Variants in TMEM80 observed in about 807,000 individuals in gnomAD.
TMEM80 encodes transmembrane protein 80.
In TMEM80, 16 loss-of-function variants were observed where a neutral mutation model predicts 13.6. The ratio of observed to expected loss-of-function variants is 1.17; its 90% CI spans 0.79 to 1.78. The LOEUF is 1.78. Ranked by LOEUF, TMEM80 falls within the 40% of genes most tolerant of loss-of-function variation. The pLI is 0.00. For synonymous variants in TMEM80, 92 were observed against 89.5 expected, an observed-to-expected ratio of 1.03 and a Z score of -0.16; for missense variants, 167 against 184.6, an observed-to-expected ratio of 0.90 and a Z score of 0.55.
chr11:699,078 C>T, intron 2 of TMEM80, 190 bp downstream of exon 2: 3 of 687,828 alleles, frequency 4.4e-6, no homozygotes, highest in Non-Finnish European at 7.6e-6. Flanking sequence ...GGCTCCATCC[C>T]CTACCTGCTC....
At position 704,013 on chromosome 11, in the gene TMEM80, T is replaced by C; in HGVS notation, c.*863T>C. ...AAGTATCTAAGCTGTTACAGTAGCT[T>C]TCCCTTCACTTGATTCTATTGTGTG... On this transcript the variant is annotated 3_prime_UTR_variant, in exon 5 of 5. Coordinates refer to ENST00000397510, the MANE Select transcript of TMEM80 (RefSeq NM_001042463.3). 1 of 1,203,290 alleles carries C rather than the reference T, an allele frequency of 8.3e-7. No individual in the cohort carries two copies. The highest frequency in any genetic ancestry group is 1.0e-6 in the Non-Finnish European group (1 of 968,704). The allele number at this position is 1,203,290 out of a possible 1,614,324, so 74.5% of individuals were successfully genotyped here. A position where few individuals can be genotyped will look rare whatever the true frequency, so the allele number is the denominator to read the frequency against.
rs1462883161 is a variant in TMEM80, at chr11:703,084, G to C, written c.366G>C (p.Thr122=). ...VLWADWALSA[T]LLALHGLEAV... is the part of the protein sequence containing the mutation. ...GGGCGGACTGGGCCCTCAGCGCCAC[G>C]CTCCTGGCCCTTCACGGCCTGGAGG... is the stretch of plus-strand genomic sequence containing the variant. The change falls in exon 5 of 5, where the codon ACG becomes ACC. Residue 122 remains threonine (T), a synonymous_variant. Transcript: ENST00000397510. 2.5e-6 allele frequency: 4 copies of C among 1,612,242 alleles called. No homozygotes were observed. Among genetic ancestry groups the C allele is most frequent in the Non-Finnish European group, 3.4e-6 (4 of 1,179,448 alleles).
rs1251273314 is a variant in TMEM80 at position 702,963 on chromosome 11, C to T, written c.245C>T (p.Thr82Ile). 8.7e-6 allele frequency: 14 copies of T among 1,609,348 alleles called. No individual in the cohort carries two copies. The highest frequency in any genetic ancestry group is 1.3e-5 in the African/African-American group (1 of 74,862). The change falls in exon 5 of 5, where the codon ACA (threonine) becomes ATA (isoleucine). Residue 82 changes from threonine to isoleucine, a missense_variant. Thr to Ile is a moderately conservative substitution (Grantham distance 89). Coordinates refer to ENST00000397510, the MANE Select transcript of TMEM80 (RefSeq NM_001042463.3). ...RLYLGTRGNL[T>I]EAERPLAASL... ...TCTCCAGGCACCAGGGGCAACCTGA[C>T]AGAGGCTGAGAGGCCGCTGGCCGCC...
downstream of TMEM80, chr11:704,992 G>A (rs927262320): frequency 1.2e-5 from 3 of 255,628 alleles, no homozygotes; most frequent in African/African-American, 6.7e-5. Context: ...GATCACGGCA[G>A]GTTCCTGGAG....
chr11:698,833 C>T (rs1410720187), intron 1 of TMEM80, 36 bp from the exon 2 acceptor site: 4 of 1,613,830 alleles, frequency 2.5e-6, no homozygotes, highest in Non-Finnish European at 3.4e-6. Flanking sequence ...ATCCTGGTGG[C>T]TGTCAGGCCT....
rs2133478281 is a variant in TMEM80 at position 703,334 on chromosome 11, T to C, written c.*184T>C. ...CAGGAGCCAGGGCAGAACAAACTGCTGGAGGCCCTGGTGTTGGGAACAGCT... is the reference window on the plus strand; with the variant it reads ...CAGGAGCCAGGGCAGAACAAACTGCCGGAGGCCCTGGTGTTGGGAACAGCT... On this transcript the variant is annotated 3_prime_UTR_variant, in exon 5 of 5. Transcript: ENST00000397510. 7.1e-7 allele frequency: 1 copy of C among 1,403,114 alleles called. No homozygotes were observed. Among genetic ancestry groups the C allele is most frequent in the Non-Finnish European group, 9.3e-7 (1 of 1,079,678 alleles). The allele number at this position is 1,403,114 out of a possible 1,614,324, so 86.9% of individuals were successfully genotyped here. A position where few individuals can be genotyped will look rare whatever the true frequency, so the allele number is the denominator to read the frequency against.
At chr11:701,016 C>G in intron 4 of TMEM80, 1 of 441,472 alleles carries the variant, frequency 2.3e-6, no homozygotes, top group South Asian at 2.4e-5. Context: ...TCTGGAGCTC[C>G]GGAATATTCA....
chr11:701,116 G>A (rs1861438527), intron 4 of TMEM80: 1 of 218,118 alleles, frequency 4.6e-6, no homozygotes, highest in African/African-American at 2.3e-5. Flanking sequence ...GCAGAGTCTG[G>A]AGGGGTGGGA....
chr11:702,442 G>C (rs779945387), intron 4 of TMEM80, among the ~76,000 whole-genome samples: 2 of 152,218 alleles, frequency 1.3e-5, no homozygotes, highest in Admixed American at 6.5e-5. Flanking sequence ...CAAGCGCGCC[G>C]CACACTGCAG....
downstream of TMEM80, chr11:704,557 C>T (rs1342402264): frequency 7.8e-7 from 1 of 1,289,358 alleles, no homozygotes; most frequent in Non-Finnish European, 1.0e-6. Flanking sequence ...GCTGGGCACA[C>T]CTGCCATCTG....
intron 4 of TMEM80, among the ~76,000 whole-genome samples, chr11:701,639 G>A (rs1861494457): frequency 3.3e-5 from 5 of 151,866 alleles, no homozygotes; most frequent in South Asian, 2.1e-4. Flanking sequence ...TCCATCTCCT[G>A]ACCTCCTGAT....
At chr11:701,660 C>G (rs7121162) in intron 4 of TMEM80, among the ~76,000 whole-genome samples, 1 of 152,004 alleles carries the variant, frequency 6.6e-6, no homozygotes, top group Non-Finnish European at 1.5e-5. Flanking sequence ...CCGCCCACCT[C>G]GGCCTCCCAA....
intron 1 of TMEM80, among the ~76,000 whole-genome samples, chr11:696,854 C>G (rs113741963): frequency 6.6e-6 from 1 of 151,682 alleles, no homozygotes; most frequent in Admixed American, 6.6e-5. Context: ...CCAAAGCGGG[C>G]GGATCACCTG....
intron 1 of TMEM80, 27 bp from the exon 2 acceptor site, chr11:698,842 C>G: frequency 6.2e-7 from 1 of 1,614,132 alleles, no homozygotes; most frequent in Non-Finnish European, 8.5e-7. Flanking sequence ...GCTGTCAGGC[C>G]TTGCTCACGG....
chr11:700,262 C>T (rs752371880), intron 3 of TMEM80, 27 bp downstream of exon 3: 32 of 1,594,914 alleles, frequency 2.0e-5, no homozygotes, highest in Middle Eastern at 1.6e-4. Flanking sequence ...CACAGTGGCT[C>T]ACGCCTGTAA....
chr11:700,028 G>C, intron 2 of TMEM80, 114 bp from the exon 3 acceptor site: 1 of 783,194 alleles, frequency 1.3e-6, no homozygotes, highest in East Asian at 2.5e-5. Flanking sequence ...AGACTCCATG[G>C]TCCCTTGGTG....
intron 4 of TMEM80, among the ~76,000 whole-genome samples, chr11:702,148 C>T (rs1177956839): frequency 2.0e-5 from 3 of 152,180 alleles, no homozygotes; most frequent in Admixed American, 6.5e-5. Flanking sequence ...CCCACCCTTC[C>T]TCTTGTTATC....
At chr11:696,940 G>A (rs566008369) in intron 1 of TMEM80, among the ~76,000 whole-genome samples, 1 of 150,706 alleles carries the variant, frequency 6.6e-6, no homozygotes, top group Non-Finnish European at 1.5e-5. Flanking sequence ...TTAGCCTGGC[G>A]TGATGGTGCA....
intron 3 of TMEM80, among the ~76,000 whole-genome samples, 165 bp downstream of exon 3, chr11:700,400 G>A (rs1042729541): frequency 4.6e-5 from 7 of 152,026 alleles, no homozygotes; most frequent in African/African-American, 2.4e-5. Flanking sequence ...GGTGGTGGGC[G>A]CCTGTAGTCC....
Sources: allele counts gnomAD v4.1 joint callset (sites outside exome capture counted in the v4.1 genomes callset), GRCh38; gene constraint gnomAD v4.1.1; transcripts MANE v1.5; gene names NCBI Gene and HGNC (gene_info 2026-07-23, HGNC 2026-07-21).